Variants in KLHL15 observed in about 807,000 individuals in gnomAD.
KLHL15 encodes the protein kelch-like protein 15.
KLHL15 carries 1 observed loss-of-function variant against 29.3 expected under a neutral mutation model. That is an observed-to-expected ratio of 0.03 (90% confidence interval 0.01 to 0.16). KLHL15 has a LOEUF of 0.16. Ranked by LOEUF, KLHL15 falls within the 10% of genes least tolerant of loss-of-function variation. KLHL15 has a pLI of 1.00. For synonymous variants in KLHL15, 212 were observed against 184.5 expected, an observed-to-expected ratio of 1.15 and a Z score of -1.21; for missense variants, 215 against 478.5, an observed-to-expected ratio of 0.45 and a Z score of 5.14.
In KLHL15 at chrX:24,004,769, G is replaced by A. The variant is rs189011457; in HGVS notation, c.705+1220C>T. Among the ~76,000 whole-genome samples the A allele has an allele frequency of 4.4e-3, 423 of 95,809 alleles. 2 individuals are homozygous for A. The highest frequency in any genetic ancestry group is 0.015 in the African/African-American group (360 of 24,675). The allele number at this position is 95,809 out of a possible 115,157, so 83.2% of individuals were successfully genotyped here. On this transcript the variant is annotated intron_variant, in intron 3 of 3. Transcript: ENST00000328046. ...CACGCCACTGTACTCTAGCCTGGGCGACAGAGCGAGACTCTGTCTCAAAAA... is the reference window on the plus strand; with the variant it reads ...CACGCCACTGTACTCTAGCCTGGGCAACAGAGCGAGACTCTGTCTCAAAAA...
At chrX:24,024,796 AG>A (rs1208089542) in intron 2 of KLHL15, 60 bp downstream of exon 2, 3 of 296,692 alleles carry the variant, frequency 1.0e-5, no homozygotes, top group African/African-American at 8.1e-5. Flanking sequence ...ATTCGTGCCT[AG>A]CTCGGGGCCG....
chrX:23,994,353 C>T (rs1391184237), intron 3 of KLHL15, among the ~76,000 whole-genome samples: 1 of 112,260 alleles, frequency 8.9e-6, no homozygotes, highest in African/African-American at 3.2e-5. Context: ...AGAATGGATG[C>T]TCATTGCATT....
chrX:24,009,167 T>TGG (rs1172984315), intron 2 of KLHL15, among the ~76,000 whole-genome samples: 2 of 110,506 alleles, frequency 1.8e-5, no homozygotes, highest in Non-Finnish European at 3.8e-5. Context: ...AAGACCAGCC[T>TGG]GGGCAACATG....
chrX:24,025,750 C>T (rs1192495262), intron 1 of KLHL15, among the ~76,000 whole-genome samples: 2 of 109,926 alleles, frequency 1.8e-5, no homozygotes, highest in African/African-American at 6.6e-5. Context: ...AAGGCTGTCC[C>T]GCGCCCGCGG....
intron 2 of KLHL15, among the ~76,000 whole-genome samples, chrX:24,008,416 T>C (rs917137317): frequency 8.1e-5 from 9 of 111,584 alleles, no homozygotes; most frequent in African/African-American, 2.9e-4. Flanking sequence ...ATTTTTGTAT[T>C]TTTAGTGAAG....
chrX:24,026,780 C>G (rs1356991461), intron 1 of KLHL15, among the ~76,000 whole-genome samples: 1 of 111,849 alleles, frequency 8.9e-6, no homozygotes, highest in African/African-American at 3.3e-5. Context: ...TTTGGAAATA[C>G]GCTTCCTTAT....
At chrX:23,992,794 T>TA (rs1360214171) in intron 3 of KLHL15, among the ~76,000 whole-genome samples, 1 of 112,211 alleles carries the variant, frequency 8.9e-6, no homozygotes, top group Non-Finnish European at 1.9e-5. Context: ...ATTCAGATGT[T>TA]AAAAAACCAC....
intron 3 of KLHL15, among the ~76,000 whole-genome samples, chrX:24,005,558 T>G (rs1929429863): frequency 8.9e-6 from 1 of 111,867 alleles, no homozygotes; most frequent in South Asian, 3.7e-4. Flanking sequence ...ACTCTATTAA[T>G]GTATACCATG....
chrX:24,017,593 C>T (rs1211607570), intron 2 of KLHL15, among the ~76,000 whole-genome samples: 1 of 108,917 alleles, frequency 9.2e-6, no homozygotes, highest in Non-Finnish European at 1.9e-5. Flanking sequence ...CCAGCATGGG[C>T]AACGTGGCAA....
At chrX:24,014,989 G>A (rs1264945196) in intron 2 of KLHL15, among the ~76,000 whole-genome samples, 1 of 112,168 alleles carries the variant, frequency 8.9e-6, no homozygotes, top group African/African-American at 3.2e-5. Context: ...AAAGAATAAA[G>A]CCAAAAGGAG....
intron 3 of KLHL15, among the ~76,000 whole-genome samples, chrX:24,003,968 A>T (rs1929390695): frequency 9.1e-6 from 1 of 110,109 alleles, no homozygotes; most frequent in Non-Finnish European, 1.9e-5. Flanking sequence ...AAAAAAAAAA[A>T]AAAAGTTAAG....
intron 3 of KLHL15, 66 bp downstream of exon 3, chrX:24,005,923 T>C (rs771835748): frequency 2.5e-6 from 2 of 815,692 alleles, no homozygotes; most frequent in East Asian, 6.4e-5. Flanking sequence ...GTGAATCTTA[T>C]CTATAAAGAC....
chrX:23,992,255 T>C (rs751931467), intron 3 of KLHL15, among the ~76,000 whole-genome samples: 2 of 112,152 alleles, frequency 1.8e-5, no homozygotes, highest in South Asian at 7.4e-4. Flanking sequence ...CATAACCCTA[T>C]GATAGAAGTG....
chrX:24,015,640 G>C (rs975602105), intron 2 of KLHL15, among the ~76,000 whole-genome samples: 1 of 112,566 alleles, frequency 8.9e-6, no homozygotes, highest in Non-Finnish European at 1.9e-5. Flanking sequence ...GGTTTGAAGC[G>C]TGGTTCTACC....
chrX:24,014,143 C>T (rs1009672200), intron 2 of KLHL15, among the ~76,000 whole-genome samples: 46 of 110,047 alleles, frequency 4.2e-4, no homozygotes, highest in Non-Finnish European at 8.5e-4. Flanking sequence ...CACCTACAGT[C>T]TCAGCTACTC....
At chrX:23,998,761 C>T (rs1929247277) in intron 3 of KLHL15, among the ~76,000 whole-genome samples, 1 of 111,858 alleles carries the variant, frequency 8.9e-6, no homozygotes, top group Middle Eastern at 4.2e-3. Flanking sequence ...AACTTAAAAG[C>T]CTTAACTCAT....
intron 1 of KLHL15, among the ~76,000 whole-genome samples, chrX:24,025,725 GA>G (rs1929918689): frequency 9.7e-6 from 1 of 102,712 alleles, no homozygotes; most frequent in Non-Finnish European, 2.0e-5. Flanking sequence ...GAACGGGGGG[GA>G]AGGGGGGGCG....
At chrX:24,016,339 C>CAA (rs755683770) in intron 2 of KLHL15, among the ~76,000 whole-genome samples, 1,589 of 21,616 alleles carry the variant, frequency 0.074, 143 homozygotes, top group East Asian at 0.26. Flanking sequence ...GACTCTGTCT[C>CAA]AAAAAAAAAA....
At chrX:23,992,496 T>C (rs1017200780) in intron 3 of KLHL15, among the ~76,000 whole-genome samples, 2 of 111,946 alleles carry the variant, frequency 1.8e-5, no homozygotes, top group Non-Finnish European at 3.8e-5. Context: ...TGGTGAAACA[T>C]GATTGGTAAT....
Sources: gnomAD v4.1 joint callset for allele counts (sites outside exome capture counted in the v4.1 genomes callset) on GRCh38, gnomAD v4.1.1 for gene constraint, MANE v1.5 for transcripts, NCBI Gene and HGNC (gene_info 2026-07-23, HGNC 2026-07-21) for gene names.